The following PSAPL1 variants were observed in gnomAD, a reference collection of about 807,000 sequenced individuals.
PSAPL1 encodes the protein prosaposin like 1, also known as proactivator polypeptide-like 1.
For synonymous variants in PSAPL1, 351 were observed against 291.6 expected (o/e 1.20, Z -2.08); for missense variants, 814 against 688.8 (o/e 1.18, Z -2.03).
rs1433438647 is a variant in PSAPL1 at position 7,433,483 on chromosome 4, A to C, written c.1397T>G (p.Val466Gly). The C allele has an allele frequency of 6.3e-7, 1 of 1,583,352 alleles. No homozygotes were observed. Among genetic ancestry groups the C allele is most frequent in the African/African-American group, 1.3e-5 (1 of 74,162 alleles). The change falls in exon 1 of 1, where the codon GTG becomes GGG. Residue 466 changes from valine (V) to glycine (G), a missense_variant. Transcript: ENST00000319098. Reference protein sequence around the residue: ...MMDPVAVCKKVGACHGPRTPL... With the variant: ...MMDPVAVCKKGGACHGPRTPL... The stretch of plus-strand genomic sequence containing the variant: ...GGTCCTGGGGCCGTGGCAGGCCCCC[A>C]CCTTCTTGCACACAGCCACGGGGTC...
Position 7,432,279 on chromosome 4 carries a change from A to T in PSAPL1, c.*1035T>A, listed in dbSNP as rs1193168261. 1 of 152,090 alleles carries T rather than the reference A, an allele frequency of 6.6e-6. No individual in the cohort carries two copies. Among genetic ancestry groups the T allele is most frequent in the African/African-American group, 2.4e-5 (1 of 41,384 alleles). The allele number at this position is 152,090 out of a possible 1,614,324, so 9.4% of individuals were successfully genotyped here. The stretch of plus-strand genomic sequence containing the variant: ...GGCATTTGGAGAACGCTTGTGGTTT[A>T]TACAGCGCTTGCACCGCCAGACTCT... On this transcript the variant is annotated 3_prime_UTR_variant, in exon 1 of 1. Transcript: ENST00000319098.
chr4:7,434,602 TTCA>T lies in PSAPL1; in HGVS notation c.275_277del (p.Met92del). Reference sequence around the variant, plus strand: ...CTGGCTGGGGAGCCACTCACAGGTCTTCATCACCAAAGCCAGGATGTCAGACTC... The same window carrying T: ...CTGGCTGGGGAGCCACTCACAGGTCTTCACCAAAGCCAGGATGTCAGACTC... On this transcript the variant is annotated inframe_deletion, in exon 1 of 1. Transcript: ENST00000319098. 2 of 1,613,440 alleles carry T rather than the reference TTCA, an allele frequency of 1.2e-6. No homozygotes were observed. Among genetic ancestry groups the T allele is most frequent in the Non-Finnish European group, 1.7e-6 (2 of 1,179,738 alleles).
chr4:7,433,265 C>T lies in PSAPL1; in HGVS notation c.*49G>A. The T allele has an allele frequency of 7.5e-7, 1 of 1,336,376 alleles. No homozygotes were observed. Among genetic ancestry groups the T allele is most frequent in the South Asian group, 2.5e-5 (1 of 40,202 alleles). 82.8% of individuals were successfully genotyped at this position (1,336,376 alleles called of 1,614,324 possible). A position where few individuals can be genotyped will look rare whatever the true frequency, so the allele number is the denominator to read the frequency against. On this transcript the variant is annotated 3_prime_UTR_variant, in exon 1 of 1. Transcript: ENST00000319098. Reference sequence around the variant, plus strand: ...TTGTGAAATGGGGATGGGGAAAGCACCCACCTCATGGGCCTCGCTAGCAGG... The same window carrying T: ...TTGTGAAATGGGGATGGGGAAAGCATCCACCTCATGGGCCTCGCTAGCAGG...
rs141587138 is a variant in PSAPL1, at chr4:7,434,706, G to A, written c.174C>T (p.Thr58=). ...YCQGAVWNKP[T]AKSLPCDVCQ... ...ATACGTCGCAGGGCAGAGACTTCGC[G>A]GTGGGTTTGTTCCATACGGCCCCTT... The change falls in exon 1 of 1, where the codon ACC becomes ACT. Residue 58 remains threonine, a synonymous_variant. Coordinates refer to ENST00000319098, the MANE Select transcript of PSAPL1 (RefSeq NM_001085382.2). 1.3e-4 allele frequency: 207 copies of A among 1,612,852 alleles called. No homozygotes were observed. The African/African-American group carries it at 1.8e-3, about 14-fold the overall frequency.
At position 7,433,053 on chromosome 4, in the gene PSAPL1, G is replaced by A. The variant is rs7439798; in HGVS notation, c.*261C>T. 261,106 of 315,948 alleles carry A rather than the reference G, an allele frequency of 0.83. 108,757 individuals are homozygous for A. The highest frequency in any genetic ancestry group is 0.87 in the Non-Finnish European group (151,311 of 174,324). 19.6% of individuals were successfully genotyped at this position (315,948 alleles called of 1,614,324 possible). On this transcript the variant is annotated 3_prime_UTR_variant, in exon 1 of 1. Coordinates refer to ENST00000319098, the MANE Select transcript of PSAPL1 (RefSeq NM_001085382.2). ...GGCAACATCTCAGCCTTGGAGATGAGAGGGCAGCCTTGGCTGGGTCAGGGA... is the reference window on the plus strand; with the variant it reads ...GGCAACATCTCAGCCTTGGAGATGAAAGGGCAGCCTTGGCTGGGTCAGGGA...
In PSAPL1 at chr4:7,434,787, C is replaced by T. The variant is rs780613090; in HGVS notation, c.93G>A (p.Thr31=). ...SGPQECAKGS[T]VWCQDLQTAA... ...CTGTCTGCAGATCCTGACACCACAC[C>T]GTGGAGCCCTTTGCACACTCCTGGG... Residue 31 remains threonine, a synonymous_variant, in exon 1 of 1, where the codon ACG becomes ACA. Transcript: ENST00000319098. 55 of 1,611,368 alleles carry T rather than the reference C, an allele frequency of 3.4e-5. No homozygotes were observed. Among genetic ancestry groups the T allele is most frequent in the African/African-American group, 2.9e-4 (22 of 74,906 alleles).
chr4:7,430,891 G>A lies in PSAPL1; in HGVS notation c.*2423C>T, dbSNP rs1251672935. 2 of 152,254 alleles carry A rather than the reference G, an allele frequency of 1.3e-5. No individual in the cohort carries two copies. Among genetic ancestry groups the A allele is most frequent in the African/African-American group, 2.4e-5 (1 of 41,454 alleles). The allele number at this position is 152,254 out of a possible 1,614,324, so 9.4% of individuals were successfully genotyped here. A position where few individuals can be genotyped will look rare whatever the true frequency, so the allele number is the denominator to read the frequency against. ...TAAGCCTCAGTCTCAGTGCTGAATG[G>A]TGGTGCTGCCGTCAGCACCAGTGGG... On this transcript the variant is annotated 3_prime_UTR_variant, in exon 1 of 1. Transcript: ENST00000319098.
rs1403550380 is a variant in PSAPL1 at position 7,433,482 on chromosome 4, C to T, written c.1398G>A (p.Val466=). ...MMDPVAVCKK[V]GACHGPRTPL... ...GGGTCCTGGGGCCGTGGCAGGCCCCCACCTTCTTGCACACAGCCACGGGGT... is the reference window on the plus strand; with the variant it reads ...GGGTCCTGGGGCCGTGGCAGGCCCCTACCTTCTTGCACACAGCCACGGGGT... Residue 466 remains valine (V), a synonymous_variant, in exon 1 of 1, where the codon GTG becomes GTA. Transcript: ENST00000319098. 11 of 1,583,386 alleles carry T rather than the reference C, an allele frequency of 6.9e-6. No homozygotes were observed. Among genetic ancestry groups the T allele is most frequent in the Admixed American group, 1.8e-5 (1 of 56,364 alleles).
Position 7,433,279 on chromosome 4 carries a change from C to G in PSAPL1, c.*35G>C. 7.4e-7 allele frequency: 1 copy of G among 1,352,178 alleles called. No individual in the cohort carries two copies. Among genetic ancestry groups the G allele is most frequent in the South Asian group, 2.3e-5 (1 of 43,272 alleles). The allele number at this position is 1,352,178 out of a possible 1,614,324, so 83.8% of individuals were successfully genotyped here. The stretch of plus-strand genomic sequence containing the variant: ...TGGGGAAAGCACCCACCTCATGGGC[C>G]TCGCTAGCAGGCTCTGGGTCTCTGG... On this transcript the variant is annotated 3_prime_UTR_variant, in exon 1 of 1. Transcript: ENST00000319098.
rs1367682220 is a variant in PSAPL1, at chr4:7,434,426, G to A, written c.454C>T (p.Pro152Ser). 1 of 1,608,874 alleles carries A rather than the reference G, an allele frequency of 6.2e-7. No individual in the cohort carries two copies. Among genetic ancestry groups the A allele is most frequent in the Non-Finnish European group, 8.5e-7 (1 of 1,178,422 alleles). ...TCAAAGGTGTCCTCTTTGGAGAGTG[G>A]CCTCAGGGTGGCCAGGTGCCTCTGC... ...PLQRHLATLR[P>S]LSKEDTFEAV... The change falls in exon 1 of 1, where the codon CCA becomes TCA. Residue 152 changes from proline to serine, a missense_variant. By Grantham distance (74) the Pro-to-Ser change is moderately conservative. Coordinates refer to ENST00000319098, the MANE Select transcript of PSAPL1 (RefSeq NM_001085382.2).
rs559593000 is a variant in PSAPL1, at chr4:7,434,704, G to A, written c.176C>T (p.Ala59Val). 53 of 1,612,888 alleles carry A rather than the reference G, an allele frequency of 3.3e-5. No individual in the cohort carries two copies. The highest frequency in any genetic ancestry group is 7.7e-5 in the South Asian group (7 of 90,798). Residue 59 changes from alanine (A) to valine (V), a missense_variant, in exon 1 of 1, where the codon GCG becomes GTG. By Grantham distance (64) the Ala-to-Val change is moderately conservative. Transcript: ENST00000319098. ...CQGAVWNKPT[A>V]KSLPCDVCQD... ...GCATACGTCGCAGGGCAGAGACTTCGCGGTGGGTTTGTTCCATACGGCCCC... is the reference window on the plus strand; with the variant it reads ...GCATACGTCGCAGGGCAGAGACTTCACGGTGGGTTTGTTCCATACGGCCCC...
Position 7,433,830 on chromosome 4 carries a change from A to T in PSAPL1, c.1050T>A (p.Leu350=), listed in dbSNP as rs750071382. Residue 350 remains leucine, a synonymous_variant, in exon 1 of 1, where the codon CTT becomes CTA. Transcript: ENST00000319098. ...CCTTCTCTGGGGTGATTTTGGCCAC[A>T]AGCTGCACCAAGGAGGGGCTGTAGG... ...VDTYSPSLVQ[L]VAKITPEKVC... is the part of the protein sequence containing the mutation. 9 of 1,613,840 alleles carry T rather than the reference A, an allele frequency of 5.6e-6. No individual in the cohort carries two copies. The South Asian group carries it at 9.9e-5, about 18-fold the overall frequency.
Position 7,431,327 on chromosome 4 carries a change from GC to G in PSAPL1, c.*1986del, listed in dbSNP as rs1205728013. On this transcript the variant is annotated 3_prime_UTR_variant, in exon 1 of 1. Transcript: ENST00000319098. Reference sequence around the variant, plus strand: ...CACTGCAGGTAGCTCTGGGGTGGGGGCAGGTGGGCTGAGCTGGGCCACCTGG... The same window carrying G: ...CACTGCAGGTAGCTCTGGGGTGGGGGAGGTGGGCTGAGCTGGGCCACCTGG... The G allele has an allele frequency of 6.6e-6, 1 of 152,386 alleles. No individual in the cohort carries two copies. Among genetic ancestry groups the G allele is most frequent in the African/African-American group, 2.4e-5 (1 of 41,468 alleles). The allele number at this position is 152,386 out of a possible 1,614,324, so 9.4% of individuals were successfully genotyped here.
rs1411291020 is a variant in PSAPL1 at position 7,434,827 on chromosome 4, C to T, written c.53G>A (p.Ser18Asn). The T allele has an allele frequency of 1.3e-6, 2 of 1,599,390 alleles. No individual in the cohort carries two copies. The highest frequency in any genetic ancestry group is 1.3e-5 in the African/African-American group (1 of 74,736). ...ACACTCCTGGGGGCCTGAGGTGGGG[C>T]TGGCCCTGGTGGCCCCCAGGAGGCT... Reference protein sequence around the residue: ...LPSLLGATRASPTSGPQECAK... With the variant: ...LPSLLGATRANPTSGPQECAK... Residue 18 changes from serine (S) to asparagine (N), a missense_variant, in exon 1 of 1, where the codon AGC becomes AAC. Physicochemically the swap from Ser to Asn is conservative, Grantham distance 46 (BLOSUM62 1). Transcript: ENST00000319098.
Position 7,434,763 on chromosome 4 carries a change from T to C in PSAPL1, c.117A>G (p.Thr39=). 3 of 1,612,886 alleles carry C rather than the reference T, an allele frequency of 1.9e-6. No homozygotes were observed. The highest frequency in any genetic ancestry group is 2.5e-6 in the Non-Finnish European group (3 of 1,179,564). The change falls in exon 1 of 1, where the codon ACA becomes ACG. Residue 39 remains threonine, a synonymous_variant. Coordinates refer to ENST00000319098, the MANE Select transcript of PSAPL1 (RefSeq NM_001085382.2). ...GSTVWCQDLQ[T]AARCGAVGYC... ...ACCCCACAGCCCCGCACCTGGCAGC[T>C]GTCTGCAGATCCTGACACCACACCG...
chr4:7,433,504 G>T lies in PSAPL1; in HGVS notation c.1376C>A (p.Pro459His). ...LIESLKDMMD[P>H]VAVCKKVGAC... ...CCCCACCTTCTTGCACACAGCCACG[G>T]GGTCCATCATGTCCTTGAGACTCTC... is the stretch of plus-strand genomic sequence containing the variant. The change falls in exon 1 of 1, where the codon CCC becomes CAC. Residue 459 changes from proline (P) to histidine (H), a missense_variant. Coordinates refer to ENST00000319098, the MANE Select transcript of PSAPL1 (RefSeq NM_001085382.2). 1 of 1,603,492 alleles carries T rather than the reference G, an allele frequency of 6.2e-7. No homozygotes were observed.
chr4:7,434,920 G>T lies in PSAPL1; in HGVS notation c.-41C>A. 6.7e-7 allele frequency: 1 copy of T among 1,489,242 alleles called. No individual in the cohort carries two copies. The allele number at this position is 1,489,242 out of a possible 1,614,324, so 92.3% of individuals were successfully genotyped here. On this transcript the variant is annotated 5_prime_UTR_variant, in exon 1 of 1. Coordinates refer to ENST00000319098, the MANE Select transcript of PSAPL1 (RefSeq NM_001085382.2). Reference sequence around the variant, plus strand: ...TCTGGCTCCAGAGTACCCAGCAGTGGCTGCTGCTATAAACCTGGCTCTCCT... The same window carrying T: ...TCTGGCTCCAGAGTACCCAGCAGTGTCTGCTGCTATAAACCTGGCTCTCCT...
Position 7,434,183 on chromosome 4 carries a change from C to T in PSAPL1, c.697G>A (p.Val233Ile). Residue 233 changes from valine to isoleucine, a missense_variant, in exon 1 of 1, where the codon GTC becomes ATC. By Grantham distance (29) the Val-to-Ile change is conservative (BLOSUM62 3). Coordinates refer to ENST00000319098, the MANE Select transcript of PSAPL1 (RefSeq NM_001085382.2). Reference sequence around the variant, plus strand: ...AGCCTCAGTGCTTGGTCAGCAGGGACAAAAAACTGGAAGAGGTAGTTCTTG... The same window carrying T: ...AGCCTCAGTGCTTGGTCAGCAGGGATAAAAAACTGGAAGAGGTAGTTCTTG... ...LCKNYLFQFF[V>I]PADQALRLLP... 6.2e-7 allele frequency: 1 copy of T among 1,613,848 alleles called. No individual in the cohort carries two copies. The highest frequency in any genetic ancestry group is 8.5e-7 in the Non-Finnish European group (1 of 1,179,866).
rs897644154 is a variant in PSAPL1, at chr4:7,430,955, C to G, written c.*2359G>C. 2.6e-5 allele frequency: 4 copies of G among 152,442 alleles called. No homozygotes were observed. The highest frequency in any genetic ancestry group is 2.6e-4 in the Admixed American group (4 of 15,288). 9.4% of individuals were successfully genotyped at this position (152,442 alleles called of 1,614,324 possible). A position where few individuals can be genotyped will look rare whatever the true frequency, so the allele number is the denominator to read the frequency against. ...CCTCCTGCCTCTCTGCCTTTAGACC[C>G]CAAGGCAGCCACTCCCCACGAGCAC... On this transcript the variant is annotated 3_prime_UTR_variant, in exon 1 of 1. Coordinates refer to ENST00000319098, the MANE Select transcript of PSAPL1 (RefSeq NM_001085382.2).
Sources: allele counts gnomAD v4.1 joint callset, GRCh38; gene constraint gnomAD v4.1.1; transcripts MANE v1.5; gene names NCBI Gene and HGNC (gene_info 2026-07-23, HGNC 2026-07-21).